Variants in COL5A1 observed in about 807,000 individuals in gnomAD.
COL5A1 encodes the protein collagen type V alpha 1 chain.
Under a neutral mutation model 263.7 loss-of-function variants are expected in COL5A1, and 16 were observed. The observed-to-expected ratio is 0.06, with a 90% confidence interval of 0.04 to 0.09. The LOEUF (loss-of-function observed/expected upper bound fraction) is 0.09. Ranked by LOEUF, COL5A1 falls within the 10% of genes least tolerant of loss-of-function variation. COL5A1 has a pLI of 1.00. For synonymous variants in COL5A1, 1,012 were observed against 1,004.5 expected (o/e 1.01, Z -0.14); for missense variants, 2,036 against 2,540.5 (o/e 0.80, Z 4.27).
intron 4 of COL5A1, among the ~76,000 whole-genome samples, chr9:134,704,793 CTT>C (rs72014908): frequency 1.7e-5 from 2 of 116,866 alleles, no homozygotes; most frequent in African/African-American, 2.7e-5. Context: ...AGCATCTTTT[CTT>C]TTTTTTTTTT....
At chr9:134,708,832 G>A (rs766052852) in intron 4 of COL5A1, 16 of 456,678 alleles carry the variant, frequency 3.5e-5, no homozygotes, top group South Asian at 2.0e-4. Context: ...ATCGAGGTGT[G>A]GGCGGGGCCG....
chr9:134,831,418 T>C (rs1839620777), intron 64 of COL5A1, among the ~76,000 whole-genome samples: 1 of 152,214 alleles, frequency 6.6e-6, no homozygotes, highest in Non-Finnish European at 1.5e-5. Flanking sequence ...CTCCTGCTTT[T>C]CCTTTTCCCC....
rs760599183 is a variant in COL5A1, at chr9:134,810,294, G to A, written c.3514G>A (p.Asp1172Asn). Reference protein sequence around the residue: ...GEPGQKGSKGDKGEQGPPGPT... With the variant: ...GEPGQKGSKGNKGEQGPPGPT... The stretch of plus-strand genomic sequence containing the variant: ...GCCGGGGCAGAAAGGAAGCAAGGGG[G>A]ACAAAGGAGAACAGGTAAGTATTGG... The change falls in exon 44 of 66, where the codon GAC (aspartate) becomes AAC (asparagine). Residue 1172 changes from aspartate (D) to asparagine (N), a missense_variant. By Grantham distance (23) the Asp-to-Asn change is conservative. Around this residue, in one of 3 missense-constraint regions of COL5A1, gnomAD observed 1,078 missense variants for 1,521.4 expected, o/e 0.71. Transcript: ENST00000371817. 3 of 1,614,046 alleles carry A rather than the reference G, an allele frequency of 1.9e-6. No individual in the cohort carries two copies.
chr9:134,824,741 T>C lies in COL5A1; in HGVS notation c.4840T>C (p.Ser1614Pro), dbSNP rs1301245606. 2 of 1,614,134 alleles carry C rather than the reference T, an allele frequency of 1.2e-6. No individual in the cohort carries two copies. Among genetic ancestry groups the C allele is most frequent in the Non-Finnish European group, 1.7e-6 (2 of 1,180,028 alleles). The change falls in exon 62 of 66, where the codon TCT (serine) becomes CCT (proline). Residue 1614 changes from serine (S) to proline (P), a missense_variant. Ser to Pro is a moderately conservative substitution (Grantham distance 74). Transcript: ENST00000371817. ...YADGMEEIFG[S>P]LNSLKLEIEQ... is the part of the protein sequence containing the mutation. Reference sequence around the variant, plus strand: ...GGACGGCATGGAAGAGATCTTCGGCTCTCTCAACTCTCTGAAGCTGGAGAT... The same window carrying C: ...GGACGGCATGGAAGAGATCTTCGGCCCTCTCAACTCTCTGAAGCTGGAGAT...
rs905902005 is a variant in COL5A1 at position 134,818,127 on chromosome 9, C to T, written c.4230+296C>T. Among the ~76,000 whole-genome samples, 2 of 152,200 alleles carry T rather than the reference C, an allele frequency of 1.3e-5. No homozygotes were observed. The highest frequency in any genetic ancestry group is 1.3e-4 in the Admixed American group (2 of 15,292). ...AGTAGTTATGTCCCCCGGAGCCCTGCGACCTCATGCCTGGTCTTTGAGTCG... is the reference window on the plus strand; with the variant it reads ...AGTAGTTATGTCCCCCGGAGCCCTGTGACCTCATGCCTGGTCTTTGAGTCG... On this transcript the variant is annotated intron_variant, in intron 54 of 65. Coordinates refer to ENST00000371817, the MANE Select transcript of COL5A1 (RefSeq NM_000093.5). This position sits in a 1 kb window ranked among gnomAD's most constrained non-coding sequence, Gnocchi z 6.0.
intron 4 of COL5A1, among the ~76,000 whole-genome samples, chr9:134,720,166 G>A (rs78923367): frequency 0.028 from 4,210 of 152,328 alleles, 80 homozygotes; most frequent in Non-Finnish European, 0.041. Context: ...GAGACCCAGG[G>A]TTGGGTCCTG....
chr9:134,829,886 C>A, intron 63 of COL5A1, 90 bp from the exon 64 acceptor site: 1 of 1,434,178 alleles, frequency 7.0e-7, no homozygotes, highest in South Asian at 1.2e-5. Context: ...GCGCGGGGGC[C>A]GGGAAAGCCT....
rs1344826288 is a variant in COL5A1, at chr9:134,696,397, G to T, written c.278-3512G>T. ...TCACCATGTTGGCCAGGCTGGTGTG[G>T]AACTCCTGACCTCAAGTGATCCTCC... On this transcript the variant is annotated intron_variant, in intron 2 of 65. Coordinates refer to ENST00000371817, the MANE Select transcript of COL5A1 (RefSeq NM_000093.5). This position sits in a 1 kb window ranked among gnomAD's most constrained non-coding sequence, Gnocchi z 4.3. Among the ~76,000 whole-genome samples the T allele has an allele frequency of 6.6e-6, 1 of 152,086 alleles. No individual in the cohort carries two copies. The highest frequency in any genetic ancestry group is 2.4e-5 in the African/African-American group (1 of 41,412).
intron 53 of COL5A1, 107 bp downstream of exon 53, chr9:134,817,186 T>C: frequency 1.0e-6 from 1 of 987,646 alleles, no homozygotes; most frequent in Non-Finnish European, 1.6e-6. Context: ...GCTGCACTGA[T>C]GAGGAAGGGC....
chr9:134,756,555 G>A (rs1383226155), intron 16 of COL5A1, among the ~76,000 whole-genome samples: 3 of 152,214 alleles, frequency 2.0e-5, no homozygotes, highest in African/African-American at 7.2e-5. Context: ...CCAGCCCCGT[G>A]TGTTCCATCC....
chr9:134,792,853 ACACGTGTGTGTGCG>A (rs1837758047), intron 32 of COL5A1, among the ~76,000 whole-genome samples: 1 of 43,530 alleles, frequency 2.3e-5, no homozygotes, highest in Non-Finnish European at 6.2e-5. Flanking sequence ...GTGTGTGCGC[ACACGTGTGTGTGCG>A]CGCGTTTGTG....
At chr9:134,808,680 A>C (rs549131993) in intron 42 of COL5A1, among the ~76,000 whole-genome samples, 4 of 152,208 alleles carry the variant, frequency 2.6e-5, no homozygotes, top group African/African-American at 9.6e-5. Flanking sequence ...ACATGTGTGC[A>C]TGTATGCACA....
intron 29 of COL5A1, 44 bp from the exon 30 acceptor site, chr9:134,784,945 T>TGG: frequency 1.6e-6 from 2 of 1,252,394 alleles, no homozygotes; most frequent in Non-Finnish European, 2.3e-6. Context: ...GAATAGTGTG[T>TGG]GTGCGGGGGG....
chr9:134,764,820 C>A (rs1487695751), intron 20 of COL5A1, among the ~76,000 whole-genome samples: 1 of 152,154 alleles, frequency 6.6e-6, no homozygotes, highest in African/African-American at 2.4e-5. Context: ...CCAAGTAATA[C>A]CTTCTGGGCT....
At chr9:134,669,693 T>G (rs752719280) in intron 1 of COL5A1, among the ~76,000 whole-genome samples, 1 of 152,098 alleles carries the variant, frequency 6.6e-6, no homozygotes, top group Non-Finnish European at 1.5e-5. Context: ...GAGTGCTTTT[T>G]AAGAGTTATG....
At chr9:134,822,760 G>GGT (rs1197295609) in intron 59 of COL5A1, among the ~76,000 whole-genome samples, 2 of 150,396 alleles carry the variant, frequency 1.3e-5, no homozygotes, top group Non-Finnish European at 2.9e-5. Flanking sequence ...TCCTAGCCAG[G>GGT]GTGGGTGGTA....
chr9:134,783,308 T>C (rs1837329377), intron 29 of COL5A1, among the ~76,000 whole-genome samples: 1 of 152,152 alleles, frequency 6.6e-6, no homozygotes, highest in Non-Finnish European at 1.5e-5. Flanking sequence ...AAATGAATAA[T>C]TTAGCTCGGC....
Position 134,823,448 on chromosome 9 carries a change from C to T in COL5A1, c.4677C>T (p.His1559=), listed in dbSNP as rs1271086605. 1.2e-6 allele frequency: 2 copies of T among 1,614,060 alleles called. No homozygotes were observed. Among genetic ancestry groups the T allele is most frequent in the African/African-American group, 2.7e-5 (2 of 74,920 alleles). Residue 1559 remains histidine, a synonymous_variant, in exon 61 of 66, where the codon CAC becomes CAT. Transcript: ENST00000371817. ...GPTGPKGEAG[H]PGPPGPPGPP... The stretch of plus-strand genomic sequence containing the variant: ...CTGGCCCGAAGGGTGAGGCAGGCCA[C>T]CCAGGACCCCCAGGCCCCCCGGTAA...
intron 29 of COL5A1, 84 bp from the exon 30 acceptor site, chr9:134,784,905 C>T: frequency 8.4e-7 from 1 of 1,187,494 alleles, no homozygotes; most frequent in African/African-American, 1.5e-5. Context: ...GACCTGTCCC[C>T]TTGCTCCTTG....
Sources: gnomAD v4.1 joint callset for allele counts (sites outside exome capture counted in the v4.1 genomes callset) on GRCh38, gnomAD v4.1.1 for gene constraint, gnomAD v4.1.1 regional missense constraint, Gnocchi (gnomAD v3.1) non-coding constraint, MANE v1.5 for transcripts, NCBI Gene and HGNC (gene_info 2026-07-23, HGNC 2026-07-21) for gene names.